The following SPOCK3 variants were observed in gnomAD, a reference collection of about 807,000 sequenced individuals.
SPOCK3 encodes the protein SPARC (osteonectin), cwcv and kazal like domains proteoglycan 3, also known as testican-3.
SPOCK3 carries 30 observed loss-of-function variants against 56.6 expected under a neutral mutation model. That is an observed-to-expected ratio of 0.53 (90% CI 0.40 to 0.72). The LOEUF (loss-of-function observed/expected upper bound fraction) is 0.72, where lower values mean the gene tolerates loss of function less well. SPOCK3 is among the 30% of genes least tolerant of loss of function. The probability of loss-of-function intolerance (pLI) is 0.00; values close to 1 mark genes in which losing one functional copy is unlikely to be tolerated. For missense variants in SPOCK3, 527 were observed against 530.0 expected (o/e 0.99, Z 0.06); for synonymous variants, 196 against 183.3 (o/e 1.07, Z -0.56).
At chr4:166,999,222 A>G (rs1056359705) in intron 4 of SPOCK3, among the ~76,000 whole-genome samples, 80 of 152,162 alleles carry the variant, frequency 5.3e-4, no homozygotes, top group Non-Finnish European at 1.9e-4. Context: ...CCAAGTGAAC[A>G]CATTTTCAAA....
intron 2 of SPOCK3, among the ~76,000 whole-genome samples, chr4:167,223,553 G>A (rs1736283908): frequency 6.6e-6 from 1 of 151,882 alleles, no homozygotes; most frequent in African/African-American, 2.4e-5. Flanking sequence ...ACTGGAGAGA[G>A]CCCTGACTGA....
intron 5 of SPOCK3, among the ~76,000 whole-genome samples, chr4:166,895,757 A>G (rs1162509540): frequency 6.6e-6 from 1 of 152,208 alleles, no homozygotes; most frequent in East Asian, 1.9e-4. Flanking sequence ...ATCAATGGTC[A>G]CCAAACTGTT....
At chr4:166,931,264 GAGCCACCGCTCCC>G (rs1365948534) in intron 4 of SPOCK3, among the ~76,000 whole-genome samples, 1 of 151,090 alleles carries the variant, frequency 6.6e-6, no homozygotes, top group East Asian at 2.0e-4. Context: ...TTTCAGGCGT[GAGCCACCGCTCCC>G]GGCCCAGAGG....
intron 2 of SPOCK3, among the ~76,000 whole-genome samples, chr4:167,179,511 A>G (rs1731267571): frequency 6.6e-6 from 1 of 152,176 alleles, no homozygotes; most frequent in Non-Finnish European, 1.5e-5. Flanking sequence ...CAGGAAATAT[A>G]TTTTATAATC....
At chr4:166,954,934 C>A (rs1743207990) in intron 4 of SPOCK3, among the ~76,000 whole-genome samples, 1 of 152,120 alleles carries the variant, frequency 6.6e-6, no homozygotes, top group Non-Finnish European at 1.5e-5. Context: ...GAGCTGTCTT[C>A]TTTCACATAG....
At chr4:167,229,322 T>G (rs906222305) in intron 2 of SPOCK3, among the ~76,000 whole-genome samples, 3 of 152,096 alleles carry the variant, frequency 2.0e-5, no homozygotes, top group Admixed American at 2.0e-4. Flanking sequence ...TGCCTGTAAC[T>G]CAAGAAATAT....
At chr4:166,885,260 C>T (rs1291720308) in intron 6 of SPOCK3, among the ~76,000 whole-genome samples, 1 of 149,860 alleles carries the variant, frequency 6.7e-6, no homozygotes, top group Non-Finnish European at 1.5e-5. Flanking sequence ...ACTTGGTTGC[C>T]TTATTTCTAA....
intron 4 of SPOCK3, among the ~76,000 whole-genome samples, chr4:166,916,704 T>G (rs1023999188): frequency 1.4e-4 from 22 of 152,198 alleles, no homozygotes; most frequent in Admixed American, 1.4e-3. Flanking sequence ...ATTTAACATA[T>G]GCCCATTTCA....
At chr4:166,999,699 T>A (rs1490045280) in intron 4 of SPOCK3, among the ~76,000 whole-genome samples, 1 of 152,194 alleles carries the variant, frequency 6.6e-6, no homozygotes, top group African/African-American at 2.4e-5. Context: ...CGCGTTCAAA[T>A]TTTTAAGACT....
intron 5 of SPOCK3, among the ~76,000 whole-genome samples, chr4:166,897,102 T>C (rs1735475222): frequency 6.6e-6 from 1 of 152,216 alleles, no homozygotes. Flanking sequence ...TATTTTATTA[T>C]ATACTTCCAT....
rs1364487152 is a variant in SPOCK3, at chr4:167,121,973, T to C, written c.190-59436A>G. On this transcript the variant is annotated intron_variant, in intron 2 of 10. Coordinates refer to ENST00000357545, the MANE Select transcript of SPOCK3 (RefSeq NM_001040159.2). Reference sequence around the variant, plus strand: ...CTGCAAAGAAATACAAAAAGAAACCTGTGAATTTACCCATGGCAAACCATA... The same window carrying C: ...CTGCAAAGAAATACAAAAAGAAACCCGTGAATTTACCCATGGCAAACCATA... Among the ~76,000 whole-genome samples, 3 of 152,192 alleles carry C rather than the reference T, an allele frequency of 2.0e-5. No homozygotes were observed. The East Asian group carries it at 5.8e-4, about 29-fold the overall frequency.
intron 7 of SPOCK3, among the ~76,000 whole-genome samples, chr4:166,780,360 A>G (rs2126611697): frequency 6.6e-6 from 1 of 152,288 alleles, no homozygotes; most frequent in South Asian, 2.1e-4. Flanking sequence ...AAAAAAAAGA[A>G]GAATTCATAA....
chr4:166,927,186 C>T (rs1739204238), intron 4 of SPOCK3, among the ~76,000 whole-genome samples: 1 of 152,104 alleles, frequency 6.6e-6, no homozygotes, highest in African/African-American at 2.4e-5. Flanking sequence ...AAAATTATCC[C>T]ATTCATATGG....
chr4:167,077,629 T>C (rs1163552408), intron 2 of SPOCK3, among the ~76,000 whole-genome samples: 1 of 151,992 alleles, frequency 6.6e-6, no homozygotes, highest in Non-Finnish European at 1.5e-5. Flanking sequence ...AATGATTTTC[T>C]AATGTGGCCC....
chr4:166,773,025 C>T (rs543177868), intron 7 of SPOCK3, among the ~76,000 whole-genome samples: 2 of 152,232 alleles, frequency 1.3e-5, no homozygotes, highest in East Asian at 3.9e-4. Context: ...CTACTGGCCT[C>T]AAGCAATTTG....
chr4:166,755,424 G>A (rs1736942621), intron 7 of SPOCK3, among the ~76,000 whole-genome samples: 1 of 152,098 alleles, frequency 6.6e-6, no homozygotes, highest in South Asian at 2.1e-4. Context: ...CTCCACATGG[G>A]TTACCCCTGG....
intron 4 of SPOCK3, among the ~76,000 whole-genome samples, chr4:166,929,512 G>C (rs936375197): frequency 6.6e-6 from 1 of 151,636 alleles, no homozygotes; most frequent in African/African-American, 2.4e-5. Context: ...ATTTCAGGGG[G>C]ATTAACTCCA....
chr4:166,962,857 T>C (rs920062797), intron 4 of SPOCK3, among the ~76,000 whole-genome samples: 25 of 152,020 alleles, frequency 1.6e-4, no homozygotes, highest in Admixed American at 5.2e-4. Context: ...ACTCTAATAA[T>C]CCCAGAATAA....
At chr4:167,025,223 T>G (rs1333021177) in intron 3 of SPOCK3, among the ~76,000 whole-genome samples, 1 of 141,558 alleles carries the variant, frequency 7.1e-6, no homozygotes, top group Non-Finnish European at 1.6e-5. Context: ...ACTGAATGCT[T>G]TTTTTTTTTT....
Sources: gnomAD v4.1 joint callset for allele counts (sites outside exome capture counted in the v4.1 genomes callset) on GRCh38, gnomAD v4.1.1 for gene constraint, MANE v1.5 for transcripts, NCBI Gene and HGNC (gene_info 2026-07-23, HGNC 2026-07-21) for gene names.